TBC1D4: variants seen among roughly 807,000 people sequenced by gnomAD.
The protein encoded by TBC1D4 is TBC (Tre-2, BUB2, CDC16) domain-containing protein.
A neutral mutation model predicts 142.5 loss-of-function variants in TBC1D4; 121 were observed. The observed-to-expected ratio is 0.85, with a 90% CI of 0.73 to 0.99. The LOEUF is 0.99. Among genes scored for constraint, TBC1D4 ranks in the 50% least tolerant of loss-of-function variants. TBC1D4 has a pLI of 0.00. For synonymous variants in TBC1D4, 630 were observed against 628.2 expected, an observed-to-expected ratio of 1.00 and a Z score of -0.04; for missense variants, 1,475 against 1,606.6, an observed-to-expected ratio of 0.92 and a Z score of 1.40.
intron 15 of TBC1D4, among the ~76,000 whole-genome samples, chr13:75,305,927 T>C (rs1056248746): frequency 6.6e-6 from 1 of 152,158 alleles, no homozygotes; most frequent in Non-Finnish European, 1.5e-5. Context: ...TATAAATCTA[T>C]ACATATAAAT....
intron 16 of TBC1D4, among the ~76,000 whole-genome samples, chr13:75,301,142 A>G (rs1019529991): frequency 3.3e-5 from 5 of 152,148 alleles, no homozygotes; most frequent in Non-Finnish European, 7.4e-5. Context: ...ATTTTCCCAA[A>G]TGGGCCCAAA....
chr13:75,423,843 G>A (rs1322708814), intron 1 of TBC1D4, among the ~76,000 whole-genome samples: 1 of 152,194 alleles, frequency 6.6e-6, no homozygotes, highest in Non-Finnish European at 1.5e-5. Flanking sequence ...ACAAAGGGGA[G>A]TTGTTTAATG....
At chr13:75,359,534 T>C (rs1000098297) in intron 3 of TBC1D4, among the ~76,000 whole-genome samples, 1 of 151,972 alleles carries the variant, frequency 6.6e-6, no homozygotes, top group African/African-American at 2.4e-5. Context: ...TGAGAAAGAG[T>C]TGGCTAAAAT....
At chr13:75,460,495 G>A (rs539798196) in intron 1 of TBC1D4, among the ~76,000 whole-genome samples, 78 of 152,110 alleles carry the variant, frequency 5.1e-4, no homozygotes, top group African/African-American at 1.8e-3. Context: ...AGGCCAGGTG[G>A]GCACGAGGAA....
At chr13:75,313,916 A>G (rs557418106) in intron 12 of TBC1D4, among the ~76,000 whole-genome samples, 43 of 152,336 alleles carry the variant, frequency 2.8e-4, no homozygotes, top group Admixed American at 2.4e-3. Context: ...ACAGGGAAAC[A>G]GTGTATAGAA....
At chr13:75,383,349 A>G (rs1477723785) in intron 1 of TBC1D4, among the ~76,000 whole-genome samples, 5 of 152,212 alleles carry the variant, frequency 3.3e-5, no homozygotes, top group Admixed American at 1.3e-4. Flanking sequence ...ACAAAAGCCT[A>G]TCCTGAATTC....
intron 1 of TBC1D4, among the ~76,000 whole-genome samples, chr13:75,455,970 T>C (rs914944223): frequency 3.3e-5 from 5 of 152,010 alleles, no homozygotes; most frequent in South Asian, 2.1e-4. Context: ...ATAATACATA[T>C]ATAAATATTA....
At chr13:75,304,150 C>A (rs974494144) in intron 15 of TBC1D4, among the ~76,000 whole-genome samples, 2 of 152,178 alleles carry the variant, frequency 1.3e-5, no homozygotes, top group African/African-American at 4.8e-5. Flanking sequence ...GCTGCTTATA[C>A]ATTTGTTGAA....
intron 1 of TBC1D4, among the ~76,000 whole-genome samples, chr13:75,404,208 A>G (rs1885228018): frequency 6.6e-6 from 1 of 152,242 alleles, no homozygotes; most frequent in African/African-American, 2.4e-5. Flanking sequence ...TCAAAACTGC[A>G]TACATAGTAT....
At chr13:75,474,676 G>A (rs371381736) in intron 1 of TBC1D4, among the ~76,000 whole-genome samples, 47 of 100,910 alleles carry the variant, frequency 4.7e-4, no homozygotes, top group African/African-American at 1.3e-3. Context: ...TCACTTTGTC[G>A]CCCAAGCTAA....
intron 5 of TBC1D4, among the ~76,000 whole-genome samples, chr13:75,347,945 G>A (rs974045055): frequency 1.3e-5 from 2 of 152,140 alleles, no homozygotes; most frequent in African/African-American, 4.8e-5. Context: ...ATACCAGGCT[G>A]ACCAACATAG....
In TBC1D4 at chr13:75,348,945, G is replaced by C. The variant is rs866090777; in HGVS notation, c.1408+225C>G. ...AGAGAGAGAGGAGAGAGAGTAGAGA[G>C]AGAGAGAGAGTGTGTGTGTGTGTGT... On this transcript the variant is annotated intron_variant, in intron 5 of 20. Coordinates refer to ENST00000377636, the MANE Select transcript of TBC1D4 (RefSeq NM_014832.5). Among the ~76,000 whole-genome samples, 277 of 123,752 alleles carry C rather than the reference G, an allele frequency of 2.2e-3. 4 individuals carry two copies. Among genetic ancestry groups the C allele is most frequent in the African/African-American group, 9.2e-3 (271 of 29,560 alleles). The allele number at this position is 123,752 out of a possible 152,430, so 81.2% of individuals were successfully genotyped here.
intron 1 of TBC1D4, among the ~76,000 whole-genome samples, chr13:75,432,533 T>C (rs183097742): frequency 7.2e-5 from 11 of 152,226 alleles, no homozygotes; most frequent in African/African-American, 2.4e-4. Flanking sequence ...GCCAGCAATA[T>C]AAAAAGGCAA....
intron 1 of TBC1D4, among the ~76,000 whole-genome samples, chr13:75,438,661 A>G (rs1475985382): frequency 6.6e-6 from 1 of 152,216 alleles, no homozygotes; most frequent in East Asian, 1.9e-4. Context: ...TAATATTAAG[A>G]CTTTTCATGC....
chr13:75,413,744 A>T (rs1885788216), intron 1 of TBC1D4, among the ~76,000 whole-genome samples: 1 of 152,148 alleles, frequency 6.6e-6, no homozygotes, highest in Non-Finnish European at 1.5e-5. Context: ...CACTGTCAAG[A>T]TTCCAGTTAT....
chr13:75,468,517 G>A lies in TBC1D4; in HGVS notation c.498+12753C>T, dbSNP rs1335036297. On this transcript the variant is annotated intron_variant, in intron 1 of 20. Transcript: ENST00000377636. ...TTGGTAGCTTTAGCAAACTTCCTATGTTTTGATCAGGAGGGAAAAAAAAAA... is the reference window on the plus strand; with the variant it reads ...TTGGTAGCTTTAGCAAACTTCCTATATTTTGATCAGGAGGGAAAAAAAAAA... 4.0e-5 allele frequency among the ~76,000 whole-genome samples: 6 copies of A among 150,484 alleles called. No homozygotes were observed. In the Admixed American group the frequency reaches 4.0e-4, roughly 10 times the overall value.
intron 1 of TBC1D4, among the ~76,000 whole-genome samples, chr13:75,377,964 T>C (rs1263739480): frequency 1.3e-5 from 2 of 152,074 alleles, no homozygotes; most frequent in African/African-American, 4.8e-5. Context: ...AAGTTTCTCT[T>C]TCAAATATAA....
chr13:75,453,184 A>G (rs1566501213), intron 1 of TBC1D4, among the ~76,000 whole-genome samples: 1 of 151,796 alleles, frequency 6.6e-6, no homozygotes, highest in Non-Finnish European at 1.5e-5. Flanking sequence ...CTTTATAAAT[A>G]GTATAAATAA....
chr13:75,433,436 A>G (rs1219812763), intron 1 of TBC1D4, among the ~76,000 whole-genome samples: 2 of 152,192 alleles, frequency 1.3e-5, no homozygotes, highest in Admixed American at 1.3e-4. Flanking sequence ...AAGAGAGCAT[A>G]AGCCATAAAA....
Sources: gnomAD v4.1 joint callset for allele counts (sites outside exome capture counted in the v4.1 genomes callset) on GRCh38, gnomAD v4.1.1 for gene constraint, MANE v1.5 for transcripts, NCBI Gene and HGNC (gene_info 2026-07-23, HGNC 2026-07-21) for gene names.